ENOX1: variants seen among roughly 807,000 people sequenced by gnomAD.
The protein encoded by ENOX1 is ecto-NOX disulfide-thiol exchanger 1, also known as candidate growth-related and time keeping constitutive hydroquinone (NADH) oxidase.
ENOX1 carries 42 observed loss-of-function variants against 82.5 expected under a neutral mutation model. The observed-to-expected ratio is 0.51, with a 90% CI of 0.40 to 0.66. The LOEUF (loss-of-function observed/expected upper bound fraction) is 0.66, where lower values mean the gene tolerates loss of function less well. Ranked by LOEUF, ENOX1 falls within the 30% of genes least tolerant of loss-of-function variation. The pLI is 0.00. For synonymous variants in ENOX1, 271 were observed against 282.2 expected, an observed-to-expected ratio of 0.96 and a Z score of 0.40; for missense variants, 608 against 811.6, an observed-to-expected ratio of 0.75 and a Z score of 3.05.
chr13:43,447,155 T>A (rs549332265), intron 3 of ENOX1, among the ~76,000 whole-genome samples: 67 of 152,298 alleles, frequency 4.4e-4, no homozygotes, highest in African/African-American at 1.5e-3. Context: ...AAATAACACA[T>A]TGCAAATGTT....
chr13:43,696,656 G>T (rs932392782), intron 1 of ENOX1, among the ~76,000 whole-genome samples: 1 of 152,032 alleles, frequency 6.6e-6, no homozygotes, highest in Non-Finnish European at 1.5e-5. Flanking sequence ...GGAAGATCTG[G>T]GTGGGTTTTG....
At chr13:43,307,957 G>A (rs1415776908) in intron 11 of ENOX1, among the ~76,000 whole-genome samples, 8 of 152,166 alleles carry the variant, frequency 5.3e-5, no homozygotes, top group Non-Finnish European at 8.8e-5. Context: ...CCCCTCCCAT[G>A]TACACATGCT....
intron 2 of ENOX1, among the ~76,000 whole-genome samples, chr13:43,612,864 T>G: frequency 9.9e-5 from 1 of 10,092 alleles, no homozygotes; most frequent in East Asian, 0.1. Flanking sequence ...CTTTACTCAC[T>G]TCATCATATC....
intron 11 of ENOX1, among the ~76,000 whole-genome samples, chr13:43,299,979 AT>A (rs1244898142): frequency 6.6e-6 from 1 of 152,176 alleles, no homozygotes; most frequent in Admixed American, 6.5e-5. Flanking sequence ...ACCACAGTGA[AT>A]TCTCTCCTCA....
intron 1 of ENOX1, among the ~76,000 whole-genome samples, chr13:43,728,154 A>G (rs1376245136): frequency 1.3e-5 from 2 of 152,100 alleles, no homozygotes; most frequent in African/African-American, 2.4e-5. Flanking sequence ...AAAAACAGAA[A>G]TGAGGTGGGG....
At chr13:43,676,139 A>G (rs1344654776) in intron 1 of ENOX1, among the ~76,000 whole-genome samples, 2 of 152,204 alleles carry the variant, frequency 1.3e-5, no homozygotes, top group African/African-American at 4.8e-5. Context: ...TCACAGGCCT[A>G]TCAGTAGCCT....
intron 2 of ENOX1, among the ~76,000 whole-genome samples, chr13:43,496,005 GAA>G (rs1469517120): frequency 2.0e-5 from 3 of 152,034 alleles, no homozygotes; most frequent in Non-Finnish European, 4.4e-5. Context: ...CCAATTGGAA[GAA>G]AAATATTTTC....
intron 3 of ENOX1, among the ~76,000 whole-genome samples, chr13:43,418,613 C>T (rs2054783048): frequency 1.3e-5 from 2 of 152,152 alleles, no homozygotes; most frequent in Non-Finnish European, 2.9e-5. Context: ...TCTGCCTATG[C>T]AACTACAAAA....
At chr13:43,689,742 A>G (rs1364958314) in intron 1 of ENOX1, among the ~76,000 whole-genome samples, 4 of 152,230 alleles carry the variant, frequency 2.6e-5, no homozygotes, top group Non-Finnish European at 4.4e-5. Flanking sequence ...TAATATAAAT[A>G]TGAATATACA....
chr13:43,715,270 C>T (rs1381377475), intron 1 of ENOX1, among the ~76,000 whole-genome samples: 47 of 152,132 alleles, frequency 3.1e-4, no homozygotes, highest in East Asian at 1.2e-3. Context: ...GAGTTTCTGC[C>T]GAGAGATCCG....
chr13:43,276,128 T>C lies in ENOX1; in HGVS notation c.1447-6551A>G, dbSNP rs535233194. On this transcript the variant is annotated intron_variant, in intron 12 of 16. Coordinates refer to ENST00000690772, the MANE Select transcript of ENOX1 (RefSeq NM_001347969.2). ...TAACTTTGCTATAAATCAGATGTCC[T>C]ACTCAGTGGGATAATCCTTTAAGGC... Among the ~76,000 whole-genome samples the C allele has an allele frequency of 2.9e-3, 444 of 152,334 alleles. 2 individuals carry two copies. Among genetic ancestry groups the C allele is most frequent in the African/African-American group, 9.0e-3 (375 of 41,580 alleles).
chr13:43,216,470 G>A lies in ENOX1; in HGVS notation c.1801-2349C>T, dbSNP rs190360582. Reference sequence around the variant, plus strand: ...ACTATTATCTAACCTTTTGTAGTACGGAGTGGTATGTGGTCAAAACTAGTT... The same window carrying A: ...ACTATTATCTAACCTTTTGTAGTACAGAGTGGTATGTGGTCAAAACTAGTT... On this transcript the variant is annotated intron_variant, in intron 16 of 16. Coordinates refer to ENST00000690772, the MANE Select transcript of ENOX1 (RefSeq NM_001347969.2). 1.4e-4 allele frequency among the ~76,000 whole-genome samples: 21 copies of A among 152,306 alleles called. No homozygotes were observed. The East Asian group carries it at 2.3e-3, about 17-fold the overall frequency.
chr13:43,643,382 G>T (rs999468886), intron 2 of ENOX1, among the ~76,000 whole-genome samples: 3 of 152,202 alleles, frequency 2.0e-5, no homozygotes, highest in African/African-American at 7.2e-5. Flanking sequence ...GGACAACAGG[G>T]AAGTAACATC....
At chr13:43,685,618 C>A (rs1384129327) in intron 1 of ENOX1, among the ~76,000 whole-genome samples, 1 of 151,970 alleles carries the variant, frequency 6.6e-6, no homozygotes, top group East Asian at 1.9e-4. Context: ...TATATGGTGA[C>A]AGGTTTTTTT....
intron 1 of ENOX1, among the ~76,000 whole-genome samples, chr13:43,719,379 G>A (rs1447525103): frequency 6.7e-6 from 1 of 149,830 alleles, no homozygotes; most frequent in Admixed American, 6.7e-5. Context: ...TTAGGTGTGG[G>A]CTTTGGTTTC....
rs2088982337 is a variant in ENOX1, at chr13:43,726,717, T to TG, written c.-284-59174_-284-59173insC. Among the ~76,000 whole-genome samples, 7 of 98,152 alleles carry TG rather than the reference T, an allele frequency of 7.1e-5. No homozygotes were observed. The South Asian group carries it at 1.1e-3, about 16-fold the overall frequency. 64.4% of individuals were successfully genotyped at this position (98,152 alleles called of 152,430 possible). ...AGGAAACTGAAGAAACGCATTGACT[T>TG]TTGTGTGTGTGTGTGTGTGTGTGTG... On this transcript the variant is annotated intron_variant, in intron 1 of 16. Coordinates refer to ENST00000690772, the MANE Select transcript of ENOX1 (RefSeq NM_001347969.2).
At chr13:43,740,441 T>G (rs550712396) in intron 1 of ENOX1, among the ~76,000 whole-genome samples, 106 of 152,256 alleles carry the variant, frequency 7.0e-4, no homozygotes, top group African/African-American at 2.4e-3. Flanking sequence ...TTCACAGAGT[T>G]GTACAATCAT....
intron 1 of ENOX1, among the ~76,000 whole-genome samples, chr13:43,681,718 C>T (rs1218927967): frequency 1.3e-5 from 2 of 151,592 alleles, no homozygotes; most frequent in Non-Finnish European, 2.9e-5. Context: ...CACACACACA[C>T]ACACACACAC....
chr13:43,567,094 T>C lies in ENOX1; in HGVS notation c.-218-82942A>G, dbSNP rs185126232. On this transcript the variant is annotated intron_variant, in intron 2 of 16. Coordinates refer to ENST00000690772, the MANE Select transcript of ENOX1 (RefSeq NM_001347969.2). The stretch of plus-strand genomic sequence containing the variant: ...AAAGTATTTCCATGCCAATTACTGA[T>C]TGGTCTCTCCAAGGTCTTTTTGTTT... Among the ~76,000 whole-genome samples the C allele has an allele frequency of 2.9e-3, 440 of 152,276 alleles. 5 individuals are homozygous for C. Among genetic ancestry groups the C allele is most frequent in the African/African-American group, 0.01 (420 of 41,580 alleles).
Sources: allele counts gnomAD v4.1 joint callset (sites outside exome capture counted in the v4.1 genomes callset), GRCh38; gene constraint gnomAD v4.1.1; transcripts MANE v1.5; gene names NCBI Gene and HGNC (gene_info 2026-07-23, HGNC 2026-07-21).